The following ACP3 variants were observed in gnomAD, a reference collection of about 807,000 sequenced individuals.
ACP3 encodes the protein acid phosphatase 3, also known as prostatic acid phosphatase.
A neutral mutation model predicts 45.6 loss-of-function variants in ACP3; 38 were observed. The ratio of observed to expected loss-of-function variants is 0.83; its 90% CI spans 0.64 to 1.09. The LOEUF is 1.09. Among genes scored for constraint, ACP3 ranks in the 50% least tolerant of loss-of-function variants. The pLI is 0.00. For synonymous variants in ACP3, 162 were observed against 164.7 expected (o/e 0.98, Z 0.13); for missense variants, 466 against 463.2 (o/e 1.01, Z -0.05).
Position 132,345,004 on chromosome 3 carries a change from C to G in ACP3, c.726C>G (p.Ser242=). 1 of 1,613,662 alleles carries G rather than the reference C, an allele frequency of 6.2e-7. No individual in the cohort carries two copies. The highest frequency in any genetic ancestry group is 8.5e-7 in the Non-Finnish European group (1 of 1,179,866). ...MTKLRELSEL[S]LLSLYGIHKQ... ...AGTTGAGAGAATTGTCAGAATTGTC[C>G]CTCCTGTCCCTCTATGGAATTCACA... The change falls in exon 7 of 10, where the codon TCC becomes TCG. Residue 242 remains serine (S), a synonymous_variant. Transcript: ENST00000336375.
intron 1 of ACP3, among the ~76,000 whole-genome samples, chr3:132,326,272 TA>T (rs1371552970): frequency 6.6e-6 from 1 of 152,174 alleles, no homozygotes; most frequent in African/African-American, 2.4e-5. Context: ...CCCTAGAAAC[TA>T]AAACAGTGTG....
intron 2 of ACP3, 26 bp from the exon 3 acceptor site, chr3:132,331,621 T>C: frequency 6.5e-7 from 1 of 1,548,700 alleles, no homozygotes; most frequent in Non-Finnish European, 8.7e-7. Flanking sequence ...CTTTCATTAA[T>C]TTTTGCTTTT....
chr3:132,331,948 T>C (rs969444835), intron 3 of ACP3, among the ~76,000 whole-genome samples: 1 of 152,232 alleles, frequency 6.6e-6, no homozygotes, highest in Non-Finnish European at 1.5e-5. Flanking sequence ...ATACTTTGGC[T>C]TGACAAGTAG....
At chr3:132,356,099 G>A (rs973259794) in intron 9 of ACP3, among the ~76,000 whole-genome samples, 11 of 152,170 alleles carry the variant, frequency 7.2e-5, no homozygotes, top group East Asian at 1.9e-4. Flanking sequence ...TCTCCTTAAC[G>A]TGACACAATG....
chr3:132,355,953 T>C (rs1444481792), intron 9 of ACP3, among the ~76,000 whole-genome samples: 1 of 152,242 alleles, frequency 6.6e-6, no homozygotes, highest in Non-Finnish European at 1.5e-5. Context: ...TAAATCCTTC[T>C]TGAGTTCCCC....
chr3:132,367,690 C>T (rs1158530172), intron 10 of ACP3: 1 of 1,562,768 alleles, frequency 6.4e-7, no homozygotes, highest in Non-Finnish European at 8.8e-7. Context: ...AATACTTTTC[C>T]TATTTTCCCA....
chr3:132,366,205 G>C (rs1456199724), intron 10 of ACP3, among the ~76,000 whole-genome samples: 1 of 150,928 alleles, frequency 6.6e-6, no homozygotes, highest in Non-Finnish European at 1.5e-5. Flanking sequence ...GGAGGGTGAG[G>C]TGAGAGGATC....
rs149109145 is a variant in ACP3, at chr3:132,317,538, C to A, written c.82C>A (p.Arg28=). The part of the protein sequence containing the change: ...FLFLLFFWLD[R]SVLAKELKFV... ...GTTTCTGCTTTTTTTCTGGCTAGAC[C>A]GAAGTGTACTAGCCAAGGAGTTGAA... Residue 28 remains arginine (R), a synonymous_variant, in exon 1 of 10, where the codon CGA becomes AGA. Coordinates refer to ENST00000336375, the MANE Select transcript of ACP3 (RefSeq NM_001099.5). 1.9e-6 allele frequency: 3 copies of A among 1,613,572 alleles called. No homozygotes were observed. The highest frequency in any genetic ancestry group is 2.5e-6 in the Non-Finnish European group (3 of 1,179,768).
intron 5 of ACP3, among the ~76,000 whole-genome samples, chr3:132,340,820 C>T (rs1937545731): frequency 6.6e-6 from 1 of 152,020 alleles, no homozygotes; most frequent in African/African-American, 2.4e-5. Context: ...GGCTAGTCAT[C>T]CCTCATTGCT....
At chr3:132,337,012 T>A (rs532925044) in intron 4 of ACP3, among the ~76,000 whole-genome samples, 18 of 152,118 alleles carry the variant, frequency 1.2e-4, no homozygotes, top group Non-Finnish European at 2.5e-4. Flanking sequence ...GTTAATTGAC[T>A]TAAGATTTTT....
intron 7 of ACP3, among the ~76,000 whole-genome samples, chr3:132,347,672 C>T (rs769561424): frequency 1.3e-5 from 2 of 151,886 alleles, no homozygotes; most frequent in Admixed American, 6.6e-5. Context: ...TTTGCAAAGA[C>T]AGGGTCTCCT....
intron 4 of ACP3, chr3:132,332,625 A>AGG: frequency 3.2e-6 from 1 of 314,860 alleles, no homozygotes; most frequent in Non-Finnish European, 6.0e-6. Flanking sequence ...AGAGAGAGAG[A>AGG]GAGGGAGAGG....
In ACP3 at chr3:132,353,520, G is replaced by A. The variant is rs369967135; in HGVS notation, c.968+697G>A. Among the ~76,000 whole-genome samples, 16 of 152,296 alleles carry A rather than the reference G, an allele frequency of 1.1e-4. No individual in the cohort carries two copies. In the South Asian group the frequency reaches 3.3e-3, roughly 32 times the overall value. On this transcript the variant is annotated intron_variant, in intron 9 of 9. Coordinates refer to ENST00000336375, the MANE Select transcript of ACP3 (RefSeq NM_001099.5). Reference sequence around the variant, plus strand: ...TTCTCATTGGGAGGAGAAGAAGGAGGTATTTGGAACAAGTCACCAGACTTC... The same window carrying A: ...TTCTCATTGGGAGGAGAAGAAGGAGATATTTGGAACAAGTCACCAGACTTC...
At chr3:132,350,092 C>A in intron 8 of ACP3, 90 bp downstream of exon 8, 1 of 865,522 alleles carries the variant, frequency 1.2e-6, no homozygotes, top group South Asian at 1.5e-5. Flanking sequence ...ATCTTCATTT[C>A]CCCATCTCCT....
At chr3:132,362,077 T>C (rs1938050003), downstream of ACP3, among the ~76,000 whole-genome samples, 1 of 152,260 alleles carries the variant, frequency 6.6e-6, no homozygotes, top group South Asian at 2.1e-4. Context: ...ATCCATCTTA[T>C]GCTTTAACTA....
chr3:132,324,705 C>T (rs1576408094), intron 1 of ACP3, among the ~76,000 whole-genome samples: 1 of 152,144 alleles, frequency 6.6e-6, no homozygotes. Context: ...TGCAGTGGCA[C>T]GATCTCGGCT....
intron 7 of ACP3, among the ~76,000 whole-genome samples, chr3:132,345,703 GT>G (rs1559838221): frequency 6.6e-6 from 1 of 152,116 alleles, no homozygotes; most frequent in African/African-American, 2.4e-5. Flanking sequence ...CCTCTTCTTG[GT>G]TAGAACTGGC....
intron 1 of ACP3, among the ~76,000 whole-genome samples, chr3:132,327,921 C>T (rs552223731): frequency 3.9e-5 from 6 of 152,234 alleles, no homozygotes; most frequent in Non-Finnish European, 5.9e-5. Context: ...ATGTACAAAC[C>T]GATCTCCATT....
In ACP3 at chr3:132,357,799, C is replaced by T. The variant is rs1197184386; in HGVS notation, c.*921C>T. 4.3e-6 allele frequency: 4 copies of T among 940,920 alleles called. No homozygotes were observed. The highest frequency in any genetic ancestry group is 1.2e-4 in the East Asian group (1 of 8,652). The allele number at this position is 940,920 out of a possible 1,614,324, so 58.3% of individuals were successfully genotyped here. ...CTATAATCCCAGCATTTTGGGAGTCCGAGGTGGGCAGATCACTTGAGCTCA... is the reference window on the plus strand; with the variant it reads ...CTATAATCCCAGCATTTTGGGAGTCTGAGGTGGGCAGATCACTTGAGCTCA... On this transcript the variant is annotated 3_prime_UTR_variant, in exon 10 of 10. Transcript: ENST00000336375.
Sources: gnomAD v4.1 joint callset for allele counts (sites outside exome capture counted in the v4.1 genomes callset) on GRCh38, gnomAD v4.1.1 for gene constraint, MANE v1.5 for transcripts, NCBI Gene and HGNC (gene_info 2026-07-23, HGNC 2026-07-21) for gene names.